NEGR1: variants seen among roughly 807,000 people sequenced by gnomAD.
NEGR1 encodes IgLON family member 4.
A neutral mutation model predicts 40.9 loss-of-function variants in NEGR1; 10 were observed. The observed-to-expected ratio is 0.24, with a 90% CI of 0.15 to 0.42. NEGR1 has a LOEUF of 0.42. Among genes scored for constraint, NEGR1 ranks in the 10% least tolerant of loss-of-function variants. NEGR1 has a pLI of 1.00. For synonymous variants in NEGR1, 185 were observed against 166.8 expected, an observed-to-expected ratio of 1.11 and a Z score of -0.84; for missense variants, 352 against 438.9, an observed-to-expected ratio of 0.80 and a Z score of 1.77.
At chr1:71,782,047 G>C (rs1053067112) in intron 2 of NEGR1, among the ~76,000 whole-genome samples, 1 of 152,142 alleles carries the variant, frequency 6.6e-6, no homozygotes, top group African/African-American at 2.4e-5. Context: ...TCTTAAAGCA[G>C]AATAGGTTTT....
At chr1:71,943,352 T>A (rs1202571253) in intron 1 of NEGR1, among the ~76,000 whole-genome samples, 1 of 150,818 alleles carries the variant, frequency 6.6e-6, no homozygotes, top group Non-Finnish European at 1.5e-5. Flanking sequence ...TATATACATA[T>A]ATATGTATAT....
chr1:72,169,670 T>C (rs1651891750), intron 1 of NEGR1, among the ~76,000 whole-genome samples: 3 of 152,168 alleles, frequency 2.0e-5, no homozygotes, highest in Non-Finnish European at 2.9e-5. Flanking sequence ...GGTTTTTATG[T>C]GATACAGAAT....
chr1:72,088,604 C>A (rs2100540061), intron 1 of NEGR1, among the ~76,000 whole-genome samples: 1 of 152,102 alleles, frequency 6.6e-6, no homozygotes, highest in South Asian at 2.1e-4. Flanking sequence ...TTGGTACTCA[C>A]CATTCTTCCC....
At chr1:71,584,402 C>T (rs1649233305) in intron 6 of NEGR1, among the ~76,000 whole-genome samples, 1 of 152,022 alleles carries the variant, frequency 6.6e-6, no homozygotes, top group African/African-American at 2.4e-5. Context: ...TTTACTTTTT[C>T]GTTTAGTGGA....
At position 71,710,697 on chromosome 1, in the gene NEGR1, A is replaced by G. The variant is rs374870732; in HGVS notation, c.536-12558T>C. Among the ~76,000 whole-genome samples the G allele has an allele frequency of 5.3e-5, 8 of 152,260 alleles. No homozygotes were observed. The South Asian group carries it at 1.2e-3, about 24-fold the overall frequency. ...TAATAATAATAATAAAAACACCAGA[A>G]CTTGTGGTCATAAAGAGTAGAAGGA... On this transcript the variant is annotated intron_variant, in intron 3 of 6. Transcript: ENST00000357731.
chr1:71,432,196 G>T (rs1469933079), intron 6 of NEGR1, among the ~76,000 whole-genome samples: 2 of 152,094 alleles, frequency 1.3e-5, no homozygotes, highest in Non-Finnish European at 1.5e-5. Flanking sequence ...TTGTGGTAGA[G>T]AACAGATTAA....
intron 1 of NEGR1, among the ~76,000 whole-genome samples, chr1:71,939,286 A>G (rs1346433799): frequency 6.6e-6 from 1 of 152,088 alleles, no homozygotes; most frequent in Non-Finnish European, 1.5e-5. Context: ...CTCCCTTTAT[A>G]CATGTTATCT....
At chr1:71,484,760 G>A (rs1646876069) in intron 6 of NEGR1, 2 of 151,694 alleles carry the variant, frequency 1.3e-5, no homozygotes, top group South Asian at 4.1e-4. Flanking sequence ...AAATCTAAGT[G>A]TTCCAGTCTA....
At position 72,146,029 on chromosome 1, in the gene NEGR1, C is replaced by T. The variant is rs114210627; in HGVS notation, c.176+136290G>A. Among the ~76,000 whole-genome samples, 1,149 of 152,092 alleles carry T rather than the reference C, an allele frequency of 7.6e-3. 10 individuals carry two copies. Among genetic ancestry groups the T allele is most frequent in the African/African-American group, 0.025 (1,055 of 41,476 alleles). On this transcript the variant is annotated intron_variant, in intron 1 of 6. Transcript: ENST00000357731. ...TTCACATGCTGTGTATTTCTCTCCT[C>T]TTTTCTTTTGGCTGTTGTGGTGGTG...
At chr1:72,162,519 C>T (rs1651607294) in intron 1 of NEGR1, among the ~76,000 whole-genome samples, 1 of 151,936 alleles carries the variant, frequency 6.6e-6, no homozygotes, top group Non-Finnish European at 1.5e-5. Context: ...AACAGGAAGA[C>T]TTACACCATT....
At chr1:71,957,782 A>G (rs912489023) in intron 1 of NEGR1, among the ~76,000 whole-genome samples, 6 of 152,210 alleles carry the variant, frequency 3.9e-5, no homozygotes, top group African/African-American at 1.4e-4. Context: ...ATAATTCCTC[A>G]TGGCCCACAG....
intron 2 of NEGR1, among the ~76,000 whole-genome samples, chr1:71,884,803 G>C (rs1400552368): frequency 1.3e-5 from 2 of 152,184 alleles, no homozygotes; most frequent in East Asian, 3.8e-4. Flanking sequence ...CAAAGCAGTT[G>C]CCTGCTAGTT....
intron 1 of NEGR1, among the ~76,000 whole-genome samples, chr1:72,255,719 C>T (rs1372717473): frequency 6.6e-6 from 1 of 151,702 alleles, no homozygotes; most frequent in Non-Finnish European, 1.5e-5. Context: ...CCCAGCAATT[C>T]TTTTGTATTT....
chr1:71,445,391 G>T (rs1297396133), intron 6 of NEGR1, among the ~76,000 whole-genome samples: 2 of 150,788 alleles, frequency 1.3e-5, no homozygotes, highest in African/African-American at 4.9e-5. Context: ...GAAAAATTTG[G>T]AATTTTCTAT....
chr1:71,876,605 G>A (rs1660438883), intron 2 of NEGR1, among the ~76,000 whole-genome samples: 1 of 95,188 alleles, frequency 1.1e-5, no homozygotes, highest in African/African-American at 2.8e-5. Context: ...AGGAAGGAAA[G>A]AAGGAAGGAA....
chr1:71,425,392 G>A (rs778825362), intron 6 of NEGR1, among the ~76,000 whole-genome samples: 10 of 152,100 alleles, frequency 6.6e-5, no homozygotes, highest in Non-Finnish European at 1.2e-4. Context: ...ATAATCCTAA[G>A]CTATATCTGT....
At chr1:72,196,341 G>A (rs1652998210) in intron 1 of NEGR1, among the ~76,000 whole-genome samples, 1 of 152,026 alleles carries the variant, frequency 6.6e-6, no homozygotes, top group South Asian at 2.1e-4. Context: ...TTTCAGATAA[G>A]AGATTTTCAA....
At chr1:72,089,276 C>T (rs912556912) in intron 1 of NEGR1, among the ~76,000 whole-genome samples, 2 of 152,150 alleles carry the variant, frequency 1.3e-5, no homozygotes, top group African/African-American at 4.8e-5. Flanking sequence ...GTTAGCACCT[C>T]TCTCTGATCT....
At chr1:71,939,704 C>T (rs1008272765) in intron 1 of NEGR1, among the ~76,000 whole-genome samples, 4 of 151,812 alleles carry the variant, frequency 2.6e-5, no homozygotes, top group Non-Finnish European at 4.4e-5. Context: ...GGCAGAGTGC[C>T]GGTGGCAGAT....
Sources: allele counts gnomAD v4.1 joint callset (sites outside exome capture counted in the v4.1 genomes callset), GRCh38; gene constraint gnomAD v4.1.1; transcripts MANE v1.5; gene names NCBI Gene and HGNC (gene_info 2026-07-23, HGNC 2026-07-21).